LRRC53: variants seen among roughly 807,000 people sequenced by gnomAD.
The protein encoded by LRRC53 is leucine rich repeat containing 53, also known as leucine-rich repeat-containing protein 53.
A neutral mutation model predicts 13.6 loss-of-function variants in LRRC53; 25 were observed. The ratio of observed to expected loss-of-function variants is 1.83; its 90% CI spans 1.34 to 2.56. LRRC53 has a LOEUF of 2.56. Ranked by LOEUF, LRRC53 falls within the 30% of genes most tolerant of loss-of-function variation. The probability of loss-of-function intolerance (pLI) is 0.00; values close to 1 mark genes in which losing one functional copy is unlikely to be tolerated. For synonymous variants in LRRC53, 204 were observed against 109.8 expected (o/e 1.86, Z -5.37); for missense variants, 527 against 275.8 (o/e 1.91, Z -6.45).
chr1:74,494,857 G>C (rs45508604), intron 1 of LRRC53, among the ~76,000 whole-genome samples: 4,781 of 152,230 alleles, frequency 0.031, 253 homozygotes, highest in African/African-American at 0.11. Flanking sequence ...GATGCCAGCA[G>C]AACCAAGCAA....
chr1:74,476,700 G>A lies in LRRC53; in HGVS notation c.905-890C>T, dbSNP rs575136417. On this transcript the variant is annotated intron_variant, in intron 3 of 4. Coordinates refer to ENST00000294635, the MANE Select transcript of LRRC53 (RefSeq NM_001382280.1). ...ATGGTGTCAGTACAGATTGAATAAAGAGATCTGTGCCCTAAACCCACATCT... is the reference window on the plus strand; with the variant it reads ...ATGGTGTCAGTACAGATTGAATAAAAAGATCTGTGCCCTAAACCCACATCT... Among the ~76,000 whole-genome samples, 279 of 152,238 alleles carry A rather than the reference G, an allele frequency of 1.8e-3. 1 individual carries two copies. The highest frequency in any genetic ancestry group is 3.1e-3 in the Non-Finnish European group (214 of 68,022).
At chr1:74,479,912 T>C (rs1391681754) in intron 3 of LRRC53, among the ~76,000 whole-genome samples, 2 of 152,250 alleles carry the variant, frequency 1.3e-5, no homozygotes, top group Non-Finnish European at 2.9e-5. Flanking sequence ...ATGCTATTTA[T>C]ACCAGGGCTG....
the LRRC53 span, among the ~76,000 whole-genome samples, chr1:74,519,271 C>G: frequency 1.2e-5 from 1 of 85,718 alleles, no homozygotes; most frequent in Non-Finnish European, 2.1e-5. Flanking sequence ...TTTTCTTAAT[C>G]CAGTCTATCA....
the LRRC53 span, among the ~76,000 whole-genome samples, chr1:74,522,166 T>TGAA: frequency 6.6e-6 from 1 of 152,146 alleles, no homozygotes; most frequent in Non-Finnish European, 1.5e-5. Context: ...ATATAGCAGG[T>TGAA]GAAGCATTCA....
At chr1:74,477,925 A>G (rs930460766) in intron 3 of LRRC53, among the ~76,000 whole-genome samples, 1 of 152,244 alleles carries the variant, frequency 6.6e-6, no homozygotes, top group African/African-American at 2.4e-5. Flanking sequence ...GAAACACATT[A>G]CAGCTTCATA....
intron 2 of LRRC53, among the ~76,000 whole-genome samples, chr1:74,482,022 C>CA (rs1350644068): frequency 6.6e-5 from 10 of 152,178 alleles, no homozygotes; most frequent in African/African-American, 2.4e-4. Flanking sequence ...CCCTGCAGCA[C>CA]AAGCAAGCTT....
the LRRC53 span, among the ~76,000 whole-genome samples, chr1:74,526,641 A>T: frequency 6.6e-6 from 1 of 152,180 alleles, no homozygotes; most frequent in Non-Finnish European, 1.5e-5. Flanking sequence ...TATAAATTGG[A>T]TATTTTTTTC....
At chr1:74,481,713 T>C (rs1252820073) in intron 2 of LRRC53, among the ~76,000 whole-genome samples, 3 of 152,192 alleles carry the variant, frequency 2.0e-5, no homozygotes, top group African/African-American at 7.2e-5. Context: ...GAGCTATCAC[T>C]GCTCTGTCAT....
chr1:74,524,331 G>C, the LRRC53 span, among the ~76,000 whole-genome samples: 7 of 152,238 alleles, frequency 4.6e-5, no homozygotes, highest in African/African-American at 1.4e-4. Flanking sequence ...GCCAGAAACA[G>C]AGGGGGCTTG....
the LRRC53 span, among the ~76,000 whole-genome samples, chr1:74,524,765 A>AG: frequency 1.3e-5 from 2 of 152,056 alleles, no homozygotes; most frequent in African/African-American, 4.8e-5. Context: ...GTAAAAAAAA[A>AG]AAATGAAAAA....
At chr1:74,518,524 G>T in the LRRC53 span, among the ~76,000 whole-genome samples, 5,555 of 152,004 alleles carry the variant, frequency 0.037, 156 homozygotes, top group East Asian at 0.078. Context: ...TCTTTTTAGG[G>T]TGGCTCTATG....
At chr1:74,520,362 C>T in the LRRC53 span, among the ~76,000 whole-genome samples, 1 of 152,108 alleles carries the variant, frequency 6.6e-6, no homozygotes, top group Admixed American at 6.6e-5. Flanking sequence ...TTTGAGACTA[C>T]TTCGCGTGAG....
chr1:74,490,050 TA>T (rs36063099), intron 1 of LRRC53, among the ~76,000 whole-genome samples: 4,141 of 42,902 alleles, frequency 0.097, 155 homozygotes, highest in African/African-American at 0.25. Context: ...TTTTTTTTTC[TA>T]AAAAAAAAAA....
intron 1 of LRRC53, among the ~76,000 whole-genome samples, chr1:74,483,805 T>A (rs901928244): frequency 5.3e-5 from 8 of 152,046 alleles, no homozygotes; most frequent in African/African-American, 1.9e-4. Flanking sequence ...TTCAATCCAG[T>A]GTTTCTTCTA....
the LRRC53 span, among the ~76,000 whole-genome samples, chr1:74,529,365 G>A: frequency 6.6e-6 from 1 of 152,098 alleles, no homozygotes; most frequent in African/African-American, 2.4e-5. Context: ...GGAAACCTCT[G>A]ATAAAACCAA....
Position 74,480,585 on chromosome 1 carries a change from T to G in LRRC53, c.472A>C (p.Ser158Arg), listed in dbSNP as rs1346475688. 2.8e-6 allele frequency: 2 copies of G among 717,284 alleles called. No homozygotes were observed. Among genetic ancestry groups the G allele is most frequent in the Non-Finnish European group, 5.2e-6 (2 of 385,094 alleles). The allele number at this position is 717,284 out of a possible 1,614,324, so 44.4% of individuals were successfully genotyped here. Residue 158 changes from serine to arginine, a missense_variant, in exon 3 of 5, where the codon AGT becomes CGT. Physicochemically the swap from Ser to Arg is moderately radical, Grantham distance 110. Coordinates refer to ENST00000294635, the MANE Select transcript of LRRC53 (RefSeq NM_001382280.1). ...TTGGATAAATCCAGATACCTGAGAC[T>G]GTGGAGATTCGTGCCTCCGAAAGAA... ...DSSFGGTNLHSLRYLDLSNNF... is the reference protein window; with the variant it reads ...DSSFGGTNLHRLRYLDLSNNF...
At chr1:74,527,909 T>C in the LRRC53 span, among the ~76,000 whole-genome samples, 1 of 152,126 alleles carries the variant, frequency 6.6e-6, no homozygotes, top group African/African-American at 2.4e-5. Flanking sequence ...TGGGTGGCAC[T>C]GCCTGGCAGA....
intron 1 of LRRC53, among the ~76,000 whole-genome samples, chr1:74,502,623 C>T (rs555153797): frequency 4.6e-5 from 7 of 152,288 alleles, no homozygotes; most frequent in African/African-American, 1.7e-4. Context: ...TGAACTACCT[C>T]GCACTTAAAC....
chr1:74,484,225 AC>A (rs1440003748), intron 1 of LRRC53, among the ~76,000 whole-genome samples: 2 of 151,274 alleles, frequency 1.3e-5, no homozygotes, highest in Non-Finnish European at 2.9e-5. Flanking sequence ...AAAAAAAAAA[AC>A]AAGGAGCAAA....
Sources: allele counts gnomAD v4.1 joint callset (sites outside exome capture counted in the v4.1 genomes callset), GRCh38; gene constraint gnomAD v4.1.1; transcripts MANE v1.5; gene names NCBI Gene and HGNC (gene_info 2026-07-23, HGNC 2026-07-21).